Variants in FBLN7 observed in about 807,000 individuals in gnomAD.
FBLN7 encodes the protein fibulin 7.
Under a neutral mutation model 44.0 loss-of-function variants are expected in FBLN7, and 31 were observed. The ratio of observed to expected loss-of-function variants is 0.70; its 90% CI spans 0.53 to 0.95. The LOEUF is 0.95. FBLN7 is among the 40% of genes least tolerant of loss of function. The pLI is 0.00. For synonymous variants in FBLN7, 262 were observed against 253.4 expected (o/e 1.03, Z -0.32); for missense variants, 573 against 618.5 (o/e 0.93, Z 0.78).
At chr2:112,169,793 A>G (rs1223338493) in intron 3 of FBLN7, among the ~76,000 whole-genome samples, 4 of 152,168 alleles carry the variant, frequency 2.6e-5, no homozygotes, top group Admixed American at 2.6e-4. Context: ...AGGGCCACAC[A>G]TGACCTAACA....
In FBLN7 at chr2:112,172,627, CTTTTTTT is replaced by C. The variant is rs35062438; in HGVS notation, c.407-3069_407-3063del. Among the ~76,000 whole-genome samples the C allele has an allele frequency of 8.5e-3, 748 of 88,132 alleles. 3 individuals are homozygous for C. The highest frequency in any genetic ancestry group is 0.025 in the African/African-American group (532 of 21,602). 57.8% of individuals were successfully genotyped at this position (88,132 alleles called of 152,430 possible). Reference sequence around the variant, plus strand: ...TGGAATTCACCTTTTCTTTTTCTTTCTTTTTTTTTTTTTTTTTTTTTTTTGAGACAGA... The same window carrying C: ...TGGAATTCACCTTTTCTTTTTCTTTCTTTTTTTTTTTTTTTTTGAGACAGA... On this transcript the variant is annotated intron_variant, in intron 3 of 7. Transcript: ENST00000331203.
chr2:112,235,540 A>G, the FBLN7 span, among the ~76,000 whole-genome samples: 2 of 152,158 alleles, frequency 1.3e-5, no homozygotes, highest in East Asian at 3.9e-4. Context: ...CTGTATATAA[A>G]TGTTTTTCAA....
the FBLN7 span, among the ~76,000 whole-genome samples, chr2:112,202,333 C>T: frequency 3.0e-4 from 45 of 151,932 alleles, no homozygotes; most frequent in South Asian, 4.2e-4. Flanking sequence ...TACTAGAAGA[C>T]GACATGTTCA....
the FBLN7 span, among the ~76,000 whole-genome samples, chr2:112,225,938 C>T: frequency 1.3e-4 from 19 of 151,766 alleles, no homozygotes; most frequent in Admixed American, 5.9e-4. Context: ...AAAAATTAGC[C>T]GGGTGTGGTG....
chr2:112,179,838 C>T (rs1682900507), intron 4 of FBLN7, among the ~76,000 whole-genome samples: 1 of 152,162 alleles, frequency 6.6e-6, no homozygotes, highest in Non-Finnish European at 1.5e-5. Flanking sequence ...CAAAAATCAA[C>T]TCAAGATGGA....
the FBLN7 span, chr2:112,230,821 T>C: frequency 1.2e-6 from 1 of 855,566 alleles, no homozygotes; most frequent in Middle Eastern, 2.6e-4. Context: ...TACTTCTATT[T>C]GAGAACCCTA....
At chr2:112,202,254 CA>C in the FBLN7 span, among the ~76,000 whole-genome samples, 2 of 152,118 alleles carry the variant, frequency 1.3e-5, no homozygotes, top group Non-Finnish European at 2.9e-5. Context: ...CCTCTGAGTG[CA>C]ATTGCGTTCC....
At chr2:112,230,925 C>T in the FBLN7 span, 6 of 1,273,770 alleles carry the variant, frequency 4.7e-6, no homozygotes, top group East Asian at 1.1e-4. Flanking sequence ...ATTTTATTTA[C>T]ATGACTTCTT....
chr2:112,159,277 TA>T (rs1681596576), intron 1 of FBLN7, among the ~76,000 whole-genome samples: 1 of 121,162 alleles, frequency 8.3e-6, no homozygotes, highest in African/African-American at 2.9e-5. Context: ...TTACATGTAT[TA>T]TTGGCCCTTT....
chr2:112,160,750 A>ACACACACGCG (rs1558880055), intron 2 of FBLN7, among the ~76,000 whole-genome samples: 19 of 128,892 alleles, frequency 1.5e-4, no homozygotes, highest in African/African-American at 5.2e-4. Context: ...ACACACGCGC[A>ACACACACGCG]CGCACACACG....
intron 5 of FBLN7, chr2:112,182,086 G>C (rs1683031796): frequency 1.6e-6 from 1 of 632,736 alleles, no homozygotes; most frequent in Non-Finnish European, 2.5e-6. Context: ...CCCCGCCTCA[G>C]AACCTGGTCC....
At chr2:112,197,808 G>A in the FBLN7 span, among the ~76,000 whole-genome samples, 1 of 152,150 alleles carries the variant, frequency 6.6e-6, no homozygotes, top group African/African-American at 2.4e-5. Flanking sequence ...TGCAATGAGG[G>A]CAGAGTCATA....
chr2:112,180,284 G>T (rs1476745091), intron 4 of FBLN7, among the ~76,000 whole-genome samples: 1 of 151,902 alleles, frequency 6.6e-6, no homozygotes, highest in Non-Finnish European at 1.5e-5. Flanking sequence ...AAAACTATCT[G>T]GTATGAGATA....
intron 1 of FBLN7, among the ~76,000 whole-genome samples, chr2:112,147,004 A>G (rs967313609): frequency 2.6e-5 from 4 of 152,156 alleles, no homozygotes; most frequent in Non-Finnish European, 5.9e-5. Context: ...CTTATTATGA[A>G]TGGACATTGA....
Position 112,159,821 on chromosome 2 carries a change from C to T in FBLN7, c.221C>T (p.Pro74Leu), listed in dbSNP as rs758061934. The T allele has an allele frequency of 4.4e-5, 69 of 1,558,188 alleles. No individual in the cohort carries two copies. Among genetic ancestry groups the T allele is most frequent in the Non-Finnish European group, 5.8e-5 (67 of 1,154,236 alleles). The change falls in exon 2 of 8, where the codon CCA (proline) becomes CTA (leucine). Residue 74 changes from proline (P) to leucine (L), a missense_variant. Pro to Leu is a moderately conservative substitution (Grantham distance 98). Transcript: ENST00000331203. Reference sequence around the variant, plus strand: ...CAGAACTCTGTGGGCAGGGTGGGCCCAGATGCCCTTCCAGGTGGGTCCCCA... The same window carrying T: ...CAGAACTCTGTGGGCAGGGTGGGCCTAGATGCCCTTCCAGGTGGGTCCCCA... ...ALQNSVGRVG[P>L]DALPVSCPAL...
At position 112,175,691 on chromosome 2, in the gene FBLN7, T is replaced by C. The variant is rs201693418; in HGVS notation, c.407-23T>C. 201 of 1,613,586 alleles carry C rather than the reference T, an allele frequency of 1.2e-4. 1 individual carries two copies. The East Asian group carries it at 2.7e-3, about 22-fold the overall frequency. On this transcript the variant is annotated intron_variant, in intron 3 of 7. Coordinates refer to ENST00000331203, the MANE Select transcript of FBLN7 (RefSeq NM_153214.3). ...AGACCTAGAACTCACATCCGTATAT[T>C]TGAAAATTATTTATCTTCCTAGGTA...
chr2:112,160,809 CA>C (rs1377317983), intron 2 of FBLN7, among the ~76,000 whole-genome samples: 3 of 149,168 alleles, frequency 2.0e-5, no homozygotes, highest in African/African-American at 7.5e-5. Flanking sequence ...CGCACGCACA[CA>C]CACGCACACA....
At chr2:112,179,056 T>G (rs1009977439) in intron 4 of FBLN7, among the ~76,000 whole-genome samples, 5 of 152,226 alleles carry the variant, frequency 3.3e-5, no homozygotes, top group Non-Finnish European at 2.9e-5. Flanking sequence ...TATCTCTGTT[T>G]GCAGATGACA....
At chr2:112,161,327 A>T (rs1392812121) in intron 2 of FBLN7, among the ~76,000 whole-genome samples, 1 of 152,016 alleles carries the variant, frequency 6.6e-6, no homozygotes, top group Non-Finnish European at 1.5e-5. Context: ...CTTCTCGGAG[A>T]TGATGGTGGC....
Sources: allele counts gnomAD v4.1 joint callset (sites outside exome capture counted in the v4.1 genomes callset), GRCh38; gene constraint gnomAD v4.1.1; transcripts MANE v1.5; gene names NCBI Gene and HGNC (gene_info 2026-07-23, HGNC 2026-07-21).